UBE2G1: variants seen among roughly 807,000 people sequenced by gnomAD.
UBE2G1 encodes the protein ubiquitin-conjugating enzyme E2 G1.
UBE2G1 carries 5 observed loss-of-function variants against 22.7 expected under a neutral mutation model. The observed-to-expected ratio is 0.22, with a 90% CI of 0.12 to 0.46. UBE2G1 has a LOEUF of 0.46. Ranked by LOEUF, UBE2G1 falls within the 20% of genes least tolerant of loss-of-function variation. The probability of loss-of-function intolerance (pLI) is 0.99; values close to 1 mark genes in which losing one functional copy is unlikely to be tolerated. For missense variants in UBE2G1, 88 were observed against 203.9 expected, an observed-to-expected ratio of 0.43 and a Z score of 3.46; for synonymous variants, 74 against 67.5, an observed-to-expected ratio of 1.10 and a Z score of -0.47.
chr17:4,321,878 ATG>A (rs1185364762), intron 1 of UBE2G1, among the ~76,000 whole-genome samples: 1 of 152,194 alleles, frequency 6.6e-6, no homozygotes, highest in African/African-American at 2.4e-5. Flanking sequence ...TGCGATTCAA[ATG>A]TGTGTCTATA....
At position 4,296,831 on chromosome 17, in the gene UBE2G1, AAAG is replaced by A; in HGVS notation, c.150-20_150-18del. 1 of 1,607,176 alleles carries A rather than the reference AAAG, an allele frequency of 6.2e-7. No homozygotes were observed. The highest frequency in any genetic ancestry group is 8.5e-7 in the Non-Finnish European group (1 of 1,175,098). On this transcript the variant is annotated intron_variant, in intron 2 of 5. Coordinates refer to ENST00000396981, the MANE Select transcript of UBE2G1 (RefSeq NM_003342.5). ...CCACCTTCACTGGAAAAAAGAACAA[AAAG>A]AAGTTCTTGCCTATAAGTTCCTGCT...
rs539154119 is a variant in UBE2G1, at chr17:4,316,516, T to A, written c.47-9393A>T. Among the ~76,000 whole-genome samples, 4 of 152,250 alleles carry A rather than the reference T, an allele frequency of 2.6e-5. No individual in the cohort carries two copies. The South Asian group carries it at 8.3e-4, about 32-fold the overall frequency. On this transcript the variant is annotated intron_variant, in intron 1 of 5. Transcript: ENST00000396981. ...TCCCGTCCTTCAACCTTCCATTAAT[T>A]AATACTGAAAAAAGTCAAGCATAGC...
intron 2 of UBE2G1, among the ~76,000 whole-genome samples, chr17:4,301,172 C>T (rs1281046876): frequency 6.6e-6 from 1 of 152,062 alleles, no homozygotes; most frequent in African/African-American, 2.4e-5. Flanking sequence ...ATCTATAGTC[C>T]TGTTGTAGCT....
chr17:4,325,117 A>C (rs368835034), intron 1 of UBE2G1, among the ~76,000 whole-genome samples: 2 of 152,180 alleles, frequency 1.3e-5, no homozygotes, highest in Non-Finnish European at 2.9e-5. Context: ...AAAAAACAAA[A>C]AAAAAAAGTA....
chr17:4,363,100 A>C (rs545674694), intron 1 of UBE2G1, among the ~76,000 whole-genome samples: 4 of 152,298 alleles, frequency 2.6e-5, no homozygotes, highest in African/African-American at 9.6e-5. Flanking sequence ...CAGTTTGGGC[A>C]ACAAAGTAAA....
chr17:4,332,910 C>G (rs752363669), intron 1 of UBE2G1, among the ~76,000 whole-genome samples: 3 of 152,176 alleles, frequency 2.0e-5, no homozygotes, highest in African/African-American at 7.2e-5. Context: ...CTAGTTTCCA[C>G]ACAGCACTCT....
chr17:4,318,474 G>C (rs1299927657), intron 1 of UBE2G1, among the ~76,000 whole-genome samples: 1 of 152,168 alleles, frequency 6.6e-6, no homozygotes, highest in Non-Finnish European at 1.5e-5. Flanking sequence ...GTCTCAAGGA[G>C]AATGAAGCCA....
Position 4,296,818 on chromosome 17 carries a change from G to C in UBE2G1, c.150-4C>G, listed in dbSNP as rs760111915. 9.9e-6 allele frequency: 16 copies of C among 1,610,432 alleles called. No homozygotes were observed. The South Asian group carries it at 1.8e-4, about 18-fold the overall frequency. On this transcript the variant is annotated splice_polypyrimidine_tract_variant and splice_region_variant and intron_variant, in intron 2 of 5. Coordinates refer to ENST00000396981, the MANE Select transcript of UBE2G1 (RefSeq NM_003342.5). ...AGCCTTAAAAACACCACCTTCACTG[G>C]AAAAAAGAACAAAAAGAAGTTCTTG...
chr17:4,363,621 T>C, intron 1 of UBE2G1, among the ~76,000 whole-genome samples: 1 of 152,168 alleles, frequency 6.6e-6, no homozygotes, highest in Non-Finnish European at 1.5e-5. Context: ...GCATAACTTC[T>C]TTCACACCTT....
chr17:4,334,207 A>G (rs1269912836), intron 1 of UBE2G1, among the ~76,000 whole-genome samples: 3 of 151,924 alleles, frequency 2.0e-5, no homozygotes, highest in Non-Finnish European at 4.4e-5. Flanking sequence ...GATTACAGGC[A>G]TAAGCCACCA....
chr17:4,277,658 T>C (rs1367121389), intron 5 of UBE2G1, among the ~76,000 whole-genome samples: 2 of 152,246 alleles, frequency 1.3e-5, no homozygotes, highest in African/African-American at 4.8e-5. Context: ...TGGACTTGAA[T>C]GTAGATAAAT....
chr17:4,316,208 G>A (rs982421099), intron 1 of UBE2G1, among the ~76,000 whole-genome samples: 1 of 152,050 alleles, frequency 6.6e-6, no homozygotes, highest in Non-Finnish European at 1.5e-5. Context: ...GGTGACTGTG[G>A]TCTCCTGCTC....
chr17:4,304,687 T>C (rs187093455), intron 2 of UBE2G1, among the ~76,000 whole-genome samples: 1 of 152,228 alleles, frequency 6.6e-6, no homozygotes, highest in East Asian at 1.9e-4. Flanking sequence ...GGTACAGTAT[T>C]TCTATTATCT....
chr17:4,326,386 C>G lies in UBE2G1; in HGVS notation c.47-19263G>C, dbSNP rs376808990. Among the ~76,000 whole-genome samples the G allele has an allele frequency of 5.3e-4, 80 of 152,218 alleles. 1 individual carries two copies. In the South Asian group the frequency reaches 0.016, roughly 30 times the overall value. On this transcript the variant is annotated intron_variant, in intron 1 of 5. Transcript: ENST00000396981. ...AGAAATTCAAAACCACAATGAGATA[C>G]CACTTCACACCAATTAGAATTGCTA...
At chr17:4,307,163 A>T in intron 1 of UBE2G1, 40 bp from the exon 2 acceptor site, 1 of 1,516,538 alleles carries the variant, frequency 6.6e-7, no homozygotes, top group Non-Finnish European at 9.1e-7. Context: ...ATTTAAGCAC[A>T]TAATTTGCAT....
chr17:4,357,188 G>C (rs1405993025), intron 1 of UBE2G1, among the ~76,000 whole-genome samples: 4 of 152,068 alleles, frequency 2.6e-5, no homozygotes. Flanking sequence ...TAAGTAGCAT[G>C]ATGAAATCTC....
chr17:4,321,656 CT>C (rs575364219), intron 1 of UBE2G1, among the ~76,000 whole-genome samples: 1 of 151,824 alleles, frequency 6.6e-6, no homozygotes, highest in Non-Finnish European at 1.5e-5. Context: ...CCATGTCTGT[CT>C]TTTTTTTGTA....
At chr17:4,304,576 T>C (rs1969226874) in intron 2 of UBE2G1, among the ~76,000 whole-genome samples, 1 of 144,238 alleles carries the variant, frequency 6.9e-6, no homozygotes, top group African/African-American at 2.5e-5. Context: ...GTACCGGTTA[T>C]CAATCACATA....
At chr17:4,318,630 A>G (rs1439255990) in intron 1 of UBE2G1, among the ~76,000 whole-genome samples, 1 of 152,224 alleles carries the variant, frequency 6.6e-6, no homozygotes, top group East Asian at 1.9e-4. Flanking sequence ...ACTTCCAACT[A>G]AGAATGCCAC....
Sources: gnomAD v4.1 joint callset for allele counts (sites outside exome capture counted in the v4.1 genomes callset) on GRCh38, gnomAD v4.1.1 for gene constraint, MANE v1.5 for transcripts, NCBI Gene and HGNC (gene_info 2026-07-23, HGNC 2026-07-21) for gene names.